CALCOCO1: variants seen among roughly 807,000 people sequenced by gnomAD.
CALCOCO1 encodes the protein calcium binding and coiled-coil domain 1.
A neutral mutation model predicts 86.3 loss-of-function variants in CALCOCO1; 44 were observed. The ratio of observed to expected loss-of-function variants is 0.51; its 90% confidence interval spans 0.40 to 0.66. The LOEUF is 0.66. Among genes scored for constraint, CALCOCO1 ranks in the 30% least tolerant of loss-of-function variants. The pLI is 0.00. For missense variants in CALCOCO1, 708 were observed against 851.1 expected (o/e 0.83, Z 2.09); for synonymous variants, 297 against 327.6 (o/e 0.91, Z 1.01).
At chr12:53,724,922 G>A in intron 2 of CALCOCO1, 165 bp downstream of exon 2, 1 of 872,218 alleles carries the variant, frequency 1.1e-6, no homozygotes, top group East Asian at 2.6e-5. Context: ...GGCTAAGATG[G>A]AGAAAATATG....
chr12:53,713,157 C>T lies in CALCOCO1; in HGVS notation c.1841G>A (p.Gly614Asp). 1 of 1,614,120 alleles carries T rather than the reference C, an allele frequency of 6.2e-7. No homozygotes were observed. Among genetic ancestry groups the T allele is most frequent in the East Asian group, 2.2e-5 (1 of 44,878 alleles). ...SVLMAAVQSG[G>D]EEANLLLPEL... ...AGGAAGCAGTAAGTTGGCCTCCTCA[C>T]CCCCACTCTGCACAGCTGCCATCAG... Residue 614 changes from glycine to aspartate, a missense_variant, in exon 14 of 15, where the codon GGT becomes GAT. Coordinates refer to ENST00000550804, the MANE Select transcript of CALCOCO1 (RefSeq NM_020898.3).
chr12:53,721,346 G>A, intron 6 of CALCOCO1, 121 bp downstream of exon 6: 1 of 864,918 alleles, frequency 1.2e-6, no homozygotes, highest in East Asian at 2.7e-5. Flanking sequence ...CTTGAGTGAG[G>A]GTGAGAGGGA....
At position 53,723,586 on chromosome 12, in the gene CALCOCO1, T is replaced by C. The variant is rs1945938096; in HGVS notation, c.450+7A>G. On this transcript the variant is annotated splice_region_variant and intron_variant, in intron 4 of 14. Coordinates refer to ENST00000550804, the MANE Select transcript of CALCOCO1 (RefSeq NM_020898.3). ...GTCTGGGAATAACTCTGTTGCTCTT[T>C]TCTCACCTGTAACACAGTTGCCTTG... 1 of 1,614,066 alleles carries C rather than the reference T, an allele frequency of 6.2e-7. No homozygotes were observed. The highest frequency in any genetic ancestry group is 1.3e-5 in the African/African-American group (1 of 74,916).
In CALCOCO1 at chr12:53,713,580, C is replaced by T. The variant is rs1178478339; in HGVS notation, c.1791+121G>A. 8.9e-6 allele frequency: 8 copies of T among 903,436 alleles called. No individual in the cohort carries two copies. The South Asian group carries it at 1.0e-4, about 11-fold the overall frequency. 56.0% of individuals were successfully genotyped at this position (903,436 alleles called of 1,614,324 possible). A position where few individuals can be genotyped will look rare whatever the true frequency, so the allele number is the denominator to read the frequency against. On this transcript the variant is annotated intron_variant, in intron 13 of 14. Coordinates refer to ENST00000550804, the MANE Select transcript of CALCOCO1 (RefSeq NM_020898.3). ...TCTTGGGAGACTGAGGTGGGAGGATCGCTTCAGCCCAGGAGGCAGAGGCTG... is the reference window on the plus strand; with the variant it reads ...TCTTGGGAGACTGAGGTGGGAGGATTGCTTCAGCCCAGGAGGCAGAGGCTG...
chr12:53,722,841 T>C (rs917029233), intron 4 of CALCOCO1: 1 of 407,954 alleles, frequency 2.5e-6, no homozygotes, highest in Admixed American at 3.5e-5. Context: ...AAGGCTCAAA[T>C]GAGAATCACG....
Position 53,722,132 on chromosome 12 carries a change from G to A in CALCOCO1, c.502C>T (p.Leu168=), listed in dbSNP as rs1486218810. ...TCTGTCACCTGTCCCTCCAGCTGTA[G>A]CTTCAGCTGCATCAGGTCATTCCGT... ...QERNDLMQLK[L]QLEGQVTELR... is the part of the protein sequence containing the mutation. Residue 168 remains leucine (L), a synonymous_variant, in exon 5 of 15, where the codon CTA becomes TTA. Transcript: ENST00000550804. The A allele has an allele frequency of 1.2e-6, 2 of 1,613,692 alleles. No homozygotes were observed. Among genetic ancestry groups the A allele is most frequent in the African/African-American group, 1.3e-5 (1 of 74,916 alleles).
Position 53,716,242 on chromosome 12 carries a change from C to T in CALCOCO1, c.1005+18G>A, listed in dbSNP as rs774171492. On this transcript the variant is annotated intron_variant, in intron 8 of 14. Transcript: ENST00000550804. ...CCTTGGAATTTCCCGTTTCCTGTTG[C>T]CAAGGGGCCTCACTCACCACCCGCT... The T allele has an allele frequency of 6.8e-6, 11 of 1,612,472 alleles. No individual in the cohort carries two copies. The South Asian group carries it at 1.2e-4, about 18-fold the overall frequency.
At position 53,709,088 on chromosome 12, in the gene CALCOCO1, C is replaced by T. The variant is rs1424477110; in HGVS notation, c.*2856G>A. The T allele has an allele frequency of 1.3e-5, 2 of 152,180 alleles. No individual in the cohort carries two copies. The highest frequency in any genetic ancestry group is 4.8e-5 in the African/African-American group (2 of 41,436). The allele number at this position is 152,180 out of a possible 1,614,324, so 9.4% of individuals were successfully genotyped here. A position where few individuals can be genotyped will look rare whatever the true frequency, so the allele number is the denominator to read the frequency against. On this transcript the variant is annotated 3_prime_UTR_variant, in exon 15 of 15. Transcript: ENST00000550804. ...GTTCTTTCACCACCAAATACTGACGCGAGTTCCTATTTGCTGCTACTTGGC... is the reference window on the plus strand; with the variant it reads ...GTTCTTTCACCACCAAATACTGACGTGAGTTCCTATTTGCTGCTACTTGGC...
chr12:53,724,961 A>G, intron 2 of CALCOCO1, 126 bp downstream of exon 2: 1 of 1,148,642 alleles, frequency 8.7e-7, no homozygotes, highest in Non-Finnish European at 1.2e-6. Flanking sequence ...GGCCTCTGTC[A>G]TCTGTGACAT....
chr12:53,716,236 C>T, intron 8 of CALCOCO1, 24 bp downstream of exon 8: 1 of 1,611,846 alleles, frequency 6.2e-7, no homozygotes, highest in Non-Finnish European at 8.5e-7. Context: ...TTCCCGTTTC[C>T]TGTTGCCAAG....
intron 7 of CALCOCO1, among the ~76,000 whole-genome samples, chr12:53,719,355 G>A (rs1028358803): frequency 1.6e-4 from 25 of 151,842 alleles, no homozygotes; most frequent in Admixed American, 3.9e-4. Flanking sequence ...GTGAAACCCT[G>A]TCTCTACTAA....
At position 53,711,896 on chromosome 12, in the gene CALCOCO1, G is replaced by A. The variant is rs1212083322; in HGVS notation, c.*48C>T. The A allele has an allele frequency of 2.8e-6, 4 of 1,444,246 alleles. No individual in the cohort carries two copies. Among genetic ancestry groups the A allele is most frequent in the Non-Finnish European group, 3.7e-6 (4 of 1,077,084 alleles). The allele number at this position is 1,444,246 out of a possible 1,614,324, so 89.5% of individuals were successfully genotyped here. On this transcript the variant is annotated 3_prime_UTR_variant, in exon 15 of 15. Coordinates refer to ENST00000550804, the MANE Select transcript of CALCOCO1 (RefSeq NM_020898.3). ...AACCTAAGTGTATGCATGTGTGTGA[G>A]TGTGTGTGTGCATGAGTGTGTATTT... is the stretch of plus-strand genomic sequence containing the variant.
At position 53,711,521 on chromosome 12, in the gene CALCOCO1, G is replaced by C; in HGVS notation, c.*423C>G. The C allele has an allele frequency of 3.1e-6, 1 of 324,304 alleles. No individual in the cohort carries two copies. Among genetic ancestry groups the C allele is most frequent in the Non-Finnish European group, 5.6e-6 (1 of 180,148 alleles). The allele number at this position is 324,304 out of a possible 1,614,324, so 20.1% of individuals were successfully genotyped here. A position where few individuals can be genotyped will look rare whatever the true frequency, so the allele number is the denominator to read the frequency against. On this transcript the variant is annotated 3_prime_UTR_variant, in exon 15 of 15. Transcript: ENST00000550804. Reference sequence around the variant, plus strand: ...CAGAGAAAACTCAGGTAAACCAACGGAAACTCCAAATAAGAGAGGGTAGGG... The same window carrying C: ...CAGAGAAAACTCAGGTAAACCAACGCAAACTCCAAATAAGAGAGGGTAGGG...
intron 7 of CALCOCO1, among the ~76,000 whole-genome samples, chr12:53,717,259 G>C (rs1339439610): frequency 6.6e-6 from 1 of 152,040 alleles, no homozygotes; most frequent in African/African-American, 2.4e-5. Flanking sequence ...ATGAGACAGG[G>C]TCTCACTATG....
Sources: allele counts gnomAD v4.1 joint callset (sites outside exome capture counted in the v4.1 genomes callset), GRCh38; gene constraint gnomAD v4.1.1; transcripts MANE v1.5; gene names NCBI Gene and HGNC (gene_info 2026-07-23, HGNC 2026-07-21).